Variants in ZNF518A observed in about 807,000 individuals in gnomAD.
The protein encoded by ZNF518A is zinc finger protein 518.
Under a neutral mutation model 102.7 loss-of-function variants are expected in ZNF518A, and 47 were observed. The observed-to-expected ratio is 0.46, with a 90% CI of 0.36 to 0.58. The LOEUF (loss-of-function observed/expected upper bound fraction) is 0.58, where lower values mean the gene tolerates loss of function less well. ZNF518A is among the 20% of genes least tolerant of loss of function. The probability of loss-of-function intolerance (pLI) is 0.00; values close to 1 mark genes in which losing one functional copy is unlikely to be tolerated. For missense variants in ZNF518A, 1,793 were observed against 1,699.8 expected (o/e 1.05, Z -0.96); for synonymous variants, 652 against 594.6 (o/e 1.10, Z -1.40).
chr10:96,204,472 G>T, downstream of ZNF518A: 1 of 1,535,596 alleles, frequency 6.5e-7, no homozygotes, highest in Non-Finnish European at 9.0e-7. Flanking sequence ...GTGAAACAAT[G>T]CACATGTTAA....
intron 1 of ZNF518A, among the ~76,000 whole-genome samples, chr10:96,190,660 G>T (rs945197522): frequency 2.6e-5 from 4 of 152,158 alleles, no homozygotes; most frequent in African/African-American, 4.8e-5. Flanking sequence ...TACTTTCATA[G>T]ATTGCTATCT....
At chr10:96,143,818 G>T (rs1224763420) in intron 3 of ZNF518A, among the ~76,000 whole-genome samples, 1 of 152,172 alleles carries the variant, frequency 6.6e-6, no homozygotes, top group Non-Finnish European at 1.5e-5. Context: ...GCTATACCAT[G>T]CTGTCATTTC....
intron 3 of ZNF518A, among the ~76,000 whole-genome samples, chr10:96,150,826 A>G (rs2082416643): frequency 7.9e-6 from 1 of 126,368 alleles, no homozygotes; most frequent in Non-Finnish European, 1.6e-5. Flanking sequence ...GGCTCACTGC[A>G]GTCTCCACCT....
rs2082841645 is a variant in ZNF518A at position 96,158,800 on chromosome 10, T to G, written c.2478T>G (p.Ile826Met). The G allele has an allele frequency of 1.2e-6, 2 of 1,613,736 alleles. No homozygotes were observed. The highest frequency in any genetic ancestry group is 1.7e-6 in the Non-Finnish European group (2 of 1,179,708). The change falls in exon 6 of 6, where the codon ATT becomes ATG. Residue 826 changes from isoleucine (I) to methionine (M), a missense_variant. Physicochemically the swap from Ile to Met is conservative, Grantham distance 10. This residue lies in a region of ZNF518A where 1,741 missense variants were observed against 1,622.6 expected (regional missense o/e 1.07). Transcript: ENST00000316045. ...AAAAACACGAGAGAGAAGGCAAAAT[T>G]GTTGAATCTTCGAAAGATTTCAAAG... Reference protein sequence around the residue: ...SFQKHEREGKIVESSKDFKVQ... With the variant: ...SFQKHEREGKMVESSKDFKVQ...
At chr10:96,189,818 A>C in intron 1 of ZNF518A, 1 of 1,185,302 alleles carries the variant, frequency 8.4e-7, no homozygotes, top group African/African-American at 1.5e-5. Context: ...TATCCTTAAG[A>C]GTTTCACATC....
Position 96,200,897 on chromosome 10 carries a change from C to T in ZNF518A, n.36-2677C>T. On this transcript the variant is annotated intron_variant and non_coding_transcript_variant, in intron 1 of 2. Coordinates refer to the ZNF518A transcript ENST00000442635. This position sits in a 1 kb window ranked among gnomAD's most constrained non-coding sequence, Gnocchi z 4.3. ...ATACAGTCTCTGTTCTCAAGGTTCA[C>T]TCCAAATGTCTTCTTCTCAGAAGAC... 1 of 1,242,488 alleles carries T rather than the reference C, an allele frequency of 8.0e-7. No individual in the cohort carries two copies. The highest frequency in any genetic ancestry group is 1.2e-6 in the Non-Finnish European group (1 of 841,714). 77.0% of individuals were successfully genotyped at this position (1,242,488 alleles called of 1,614,324 possible).
chr10:96,142,495 A>G (rs1222378365), intron 3 of ZNF518A, among the ~76,000 whole-genome samples: 1 of 152,168 alleles, frequency 6.6e-6, no homozygotes, highest in Non-Finnish European at 1.5e-5. Context: ...GAATGACTTA[A>G]GGAATGCAGT....
At chr10:96,164,237 A>AT (rs587641257), downstream of ZNF518A, among the ~76,000 whole-genome samples, 154 of 152,340 alleles carry the variant, frequency 1.0e-3, no homozygotes, top group African/African-American at 3.6e-3. Flanking sequence ...GCTTATCTTG[A>AT]TTTTTTAAAA....
chr10:96,146,767 T>G (rs782717827), intron 3 of ZNF518A, among the ~76,000 whole-genome samples: 5 of 152,220 alleles, frequency 3.3e-5, no homozygotes, highest in Non-Finnish European at 5.9e-5. Context: ...CTAACAAATA[T>G]GAAACTACCA....
chr10:96,179,013 T>A (rs1277829338), intron 1 of ZNF518A, among the ~76,000 whole-genome samples: 1 of 152,076 alleles, frequency 6.6e-6, no homozygotes, highest in East Asian at 1.9e-4. Flanking sequence ...CTGCACAAAT[T>A]CTTTCAAAAA....
At chr10:96,186,200 T>C (rs1362228454) in intron 1 of ZNF518A, among the ~76,000 whole-genome samples, 1 of 152,162 alleles carries the variant, frequency 6.6e-6, no homozygotes, top group Admixed American at 6.5e-5. Flanking sequence ...TGCCCCACCC[T>C]GCTTTGGCTC....
At chr10:96,181,563 T>C (rs1554892033) in intron 1 of ZNF518A, among the ~76,000 whole-genome samples, 2 of 152,232 alleles carry the variant, frequency 1.3e-5, no homozygotes, top group Admixed American at 6.5e-5. Context: ...TTTCTATATA[T>C]GGCTCGCCAG....
chr10:96,202,263 T>C (rs1335422538), intron 1 of ZNF518A, among the ~76,000 whole-genome samples: 10 of 152,158 alleles, frequency 6.6e-5, no homozygotes, highest in Admixed American at 1.3e-4. Context: ...GATCTGCCTA[T>C]GTTTTAACAG....
intron 1 of ZNF518A, among the ~76,000 whole-genome samples, chr10:96,131,309 A>T (rs1342293526): frequency 6.6e-6 from 1 of 152,236 alleles, no homozygotes. Context: ...GTGTACTCTA[A>T]GGTTGATATC....
At chr10:96,148,184 A>T (rs1295336747) in intron 3 of ZNF518A, among the ~76,000 whole-genome samples, 1 of 152,158 alleles carries the variant, frequency 6.6e-6, no homozygotes. Context: ...TCACGCCTGT[A>T]ATCCCAGCAC....
At position 96,153,900 on chromosome 10, in the gene ZNF518A, T is replaced by C. The variant is rs147628097; in HGVS notation, c.-301-1426T>C. Among the ~76,000 whole-genome samples the C allele has an allele frequency of 2.4e-3, 368 of 152,306 alleles. 5 individuals carry two copies. The highest frequency in any genetic ancestry group is 0.015 in the Admixed American group (237 of 15,298). ...GTATTACATTTTAATAATCCTATTC[T>C]CAAGGTCTAAGTGAGGCATTATTAG... On this transcript the variant is annotated intron_variant, in intron 3 of 5. Coordinates refer to ENST00000316045, the MANE Select transcript of ZNF518A (RefSeq NM_001330736.2).
intron 3 of ZNF518A, among the ~76,000 whole-genome samples, chr10:96,152,419 C>G (rs2082493534): frequency 6.6e-6 from 1 of 152,134 alleles, no homozygotes; most frequent in South Asian, 2.1e-4. Context: ...TAAAATTTTT[C>G]TTTTTTTATG....
chr10:96,182,307 T>A (rs1456246498), intron 1 of ZNF518A, among the ~76,000 whole-genome samples: 1 of 152,202 alleles, frequency 6.6e-6, no homozygotes, highest in South Asian at 2.1e-4. Context: ...ATTTCCTAAT[T>A]GAATACCCTT....
rs1387579780 is a variant in ZNF518A, at chr10:96,158,726, A to G, written c.2404A>G (p.Ser802Gly). 3.1e-6 allele frequency: 5 copies of G among 1,613,372 alleles called. No individual in the cohort carries two copies. Among genetic ancestry groups the G allele is most frequent in the Admixed American group, 3.3e-5 (2 of 59,894 alleles). Residue 802 changes from serine (S) to glycine (G), a missense_variant, in exon 6 of 6, where the codon AGT becomes GGT. Around this residue, in one of 3 missense-constraint regions of ZNF518A, gnomAD observed 1,741 missense variants for 1,622.6 expected, o/e 1.07. Coordinates refer to ENST00000316045, the MANE Select transcript of ZNF518A (RefSeq NM_001330736.2). ...AAAACCTGATGTAAAACAAGACTCT[A>G]GTAACACTCCAAATAAAGGCTTGCC... The part of the protein sequence containing the change: ...KIKPDVKQDS[S>G]NTPNKGLPLH...
Sources: gnomAD v4.1 joint callset for allele counts (sites outside exome capture counted in the v4.1 genomes callset) on GRCh38, gnomAD v4.1.1 for gene constraint, gnomAD v4.1.1 regional missense constraint, Gnocchi (gnomAD v3.1) non-coding constraint, MANE v1.5 for transcripts, NCBI Gene and HGNC (gene_info 2026-07-23, HGNC 2026-07-21) for gene names.